The following ADGRG2 variants were observed in gnomAD, a reference collection of about 807,000 sequenced individuals.
ADGRG2 encodes the protein adhesion G protein-coupled receptor G2, also known as G protein-coupled receptor 64.
Under a neutral mutation model 74.1 loss-of-function variants are expected in ADGRG2, and 26 were observed. That is an observed-to-expected ratio of 0.35 (90% CI 0.26 to 0.49). ADGRG2 has a LOEUF of 0.49. ADGRG2 is among the 20% of genes least tolerant of loss of function. The pLI, the probability that ADGRG2 is intolerant of heterozygous loss-of-function variation, is 0.99. For missense variants in ADGRG2, 619 were observed against 763.1 expected (o/e 0.81, Z 2.22); for synonymous variants, 296 against 295.2 (o/e 1.00, Z -0.03).
intron 1 of ADGRG2, among the ~76,000 whole-genome samples, chrX:19,113,040 T>C (rs1263718607): frequency 2.1e-5 from 2 of 96,793 alleles, no homozygotes; most frequent in African/African-American, 7.7e-5. Flanking sequence ...GCAATAGAAG[T>C]GTTCCAGACT....
intron 1 of ADGRG2, among the ~76,000 whole-genome samples, chrX:19,094,656 C>T (rs1394144086): frequency 1.8e-5 from 2 of 112,580 alleles, no homozygotes; most frequent in Admixed American, 9.4e-5. Flanking sequence ...CCTTCCTGTT[C>T]GACTTTCTTT....
chrX:19,073,423 C>A (rs140797927), intron 2 of ADGRG2, among the ~76,000 whole-genome samples: 70 of 111,441 alleles, frequency 6.3e-4, no homozygotes, highest in African/African-American at 2.3e-3. Context: ...TAAAGATGAT[C>A]CCCAATTCAT....
At chrX:19,094,895 C>T (rs898241566) in intron 1 of ADGRG2, among the ~76,000 whole-genome samples, 7 of 112,340 alleles carry the variant, frequency 6.2e-5, no homozygotes, top group Admixed American at 1.9e-4. Context: ...CCCACCAGAG[C>T]GGGGCCGTCC....
At chrX:19,085,333 T>C (rs1461577319) in intron 1 of ADGRG2, among the ~76,000 whole-genome samples, 2 of 111,829 alleles carry the variant, frequency 1.8e-5, no homozygotes, top group African/African-American at 6.5e-5. Context: ...ATGTGTATGC[T>C]TATTTTTTAA....
intron 28 of ADGRG2, among the ~76,000 whole-genome samples, chrX:18,992,443 C>T (rs1255815136): frequency 8.9e-6 from 1 of 111,798 alleles, no homozygotes; most frequent in Non-Finnish European, 1.9e-5. Context: ...GTGTGTGCCA[C>T]CACGTCTGGT....
chrX:18,994,986 A>G lies in ADGRG2; in HGVS notation c.2779T>C (p.Ser927Pro). The change falls in exon 28 of 29, where the codon TCT becomes CCT. Residue 927 changes from serine to proline, a missense_variant. Around this residue, in one of 3 missense-constraint regions of ADGRG2, gnomAD observed 106 missense variants for 104.5 expected, o/e 1.01. Coordinates refer to ENST00000379869, the MANE Select transcript of ADGRG2 (RefSeq NM_001079858.3). ...CTGCTTGACTGTAAGGAATTTGAAG[A>G]GCTGGACACTCCTTGGTTTACAGTC... ...KQTVNQGVSS[S>P]SNSLQSSSNS... is the part of the protein sequence containing the mutation. 1 of 1,197,934 alleles carries G rather than the reference A, an allele frequency of 8.3e-7. No individual in the cohort carries two copies. Among genetic ancestry groups the G allele is most frequent in the Non-Finnish European group, 1.1e-6 (1 of 882,962 alleles).
At chrX:19,055,260 G>A (rs191290254) in intron 3 of ADGRG2, among the ~76,000 whole-genome samples, 2 of 110,921 alleles carry the variant, frequency 1.8e-5, no homozygotes, top group Non-Finnish European at 3.8e-5. Flanking sequence ...GTGTGTGTGT[G>A]TGTGTGTGTG....
chrX:19,050,907 A>G (rs1156692842), intron 3 of ADGRG2, among the ~76,000 whole-genome samples: 3 of 111,378 alleles, frequency 2.7e-5, no homozygotes, highest in Non-Finnish European at 5.7e-5. Flanking sequence ...CGGACCTCAC[A>G]GTCTCAGAGA....
intron 24 of ADGRG2, among the ~76,000 whole-genome samples, chrX:19,001,988 T>C (rs958931526): frequency 9.0e-6 from 1 of 111,093 alleles, no homozygotes; most frequent in Non-Finnish European, 1.9e-5. Flanking sequence ...CACACTGTTA[T>C]ATATTACTTG....
chrX:19,037,292 A>C (rs1237783692), intron 6 of ADGRG2, among the ~76,000 whole-genome samples, 175 bp downstream of exon 6: 1 of 112,330 alleles, frequency 8.9e-6, no homozygotes, highest in East Asian at 2.8e-4. Flanking sequence ...GAATGTTATC[A>C]TTTAACCAGA....
intron 17 of ADGRG2, among the ~76,000 whole-genome samples, chrX:19,010,396 T>C (rs1398463384): frequency 1.8e-5 from 2 of 111,657 alleles, no homozygotes; most frequent in African/African-American, 6.5e-5. Flanking sequence ...GGTGGGATTA[T>C]AGGCATGAGC....
chrX:19,110,411 G>T (rs1008980111), intron 1 of ADGRG2, among the ~76,000 whole-genome samples: 23 of 111,207 alleles, frequency 2.1e-4, no homozygotes, highest in African/African-American at 7.5e-4. Context: ...GACCAGGCGC[G>T]GTGGCTCATG....
In ADGRG2 at chrX:19,009,616, T is replaced by C; in HGVS notation, c.1422+10A>G. ...GAGAATGTTTTTTTCTGCCATCAAT[T>C]ATGATGTACCTGAAGATTTGCAGGG... On this transcript the variant is annotated intron_variant, in intron 18 of 28. Coordinates refer to ENST00000379869, the MANE Select transcript of ADGRG2 (RefSeq NM_001079858.3). The C allele has an allele frequency of 2.5e-6, 3 of 1,198,051 alleles. No homozygotes were observed. The South Asian group carries it at 5.3e-5, about 21-fold the overall frequency.
chrX:19,098,817 T>C (rs746207127), intron 1 of ADGRG2, among the ~76,000 whole-genome samples: 2 of 112,053 alleles, frequency 1.8e-5, no homozygotes, highest in South Asian at 7.4e-4. Context: ...CAATCACCTA[T>C]TAACCCAGAT....
At chrX:19,104,773 TG>T (rs1303583921) in intron 1 of ADGRG2, among the ~76,000 whole-genome samples, 1 of 105,800 alleles carries the variant, frequency 9.5e-6, no homozygotes, top group East Asian at 3.0e-4. Flanking sequence ...AAAAATTAGC[TG>T]GGGGTGGTGG....
At chrX:19,088,492 T>C (rs766745694) in intron 1 of ADGRG2, among the ~76,000 whole-genome samples, 3 of 112,188 alleles carry the variant, frequency 2.7e-5, no homozygotes, top group Non-Finnish European at 5.6e-5. Flanking sequence ...TTGTTTTTTG[T>C]TTGTTTATTT....
intron 26 of ADGRG2, among the ~76,000 whole-genome samples, 171 bp from the exon 27 acceptor site, chrX:18,996,323 C>T (rs2060016951): frequency 9.0e-6 from 1 of 111,528 alleles, no homozygotes; most frequent in Non-Finnish European, 1.9e-5. Context: ...CAAAAGGCAT[C>T]GGGGAATGAA....
intron 18 of ADGRG2, among the ~76,000 whole-genome samples, 173 bp downstream of exon 18, chrX:19,009,453 C>T (rs1369727617): frequency 8.9e-6 from 1 of 111,796 alleles, no homozygotes; most frequent in Non-Finnish European, 1.9e-5. Context: ...GCTGGGATTA[C>T]AGGTGTGAGC....
chrX:19,100,829 T>C (rs1240313623), intron 1 of ADGRG2, among the ~76,000 whole-genome samples: 1 of 112,590 alleles, frequency 8.9e-6, no homozygotes, highest in Non-Finnish European at 1.9e-5. Context: ...CTATGCCAAG[T>C]AAAAAAGGAA....
Sources: gnomAD v4.1 joint callset for allele counts (sites outside exome capture counted in the v4.1 genomes callset) on GRCh38, gnomAD v4.1.1 for gene constraint, gnomAD v4.1.1 regional missense constraint, MANE v1.5 for transcripts, NCBI Gene and HGNC (gene_info 2026-07-23, HGNC 2026-07-21) for gene names.